DSCAM: variants seen among roughly 807,000 people sequenced by gnomAD.
The protein encoded by DSCAM is cell adhesion molecule DSCAM.
DSCAM carries 47 observed loss-of-function variants against 217.7 expected under a neutral mutation model. That is an observed-to-expected ratio of 0.22 (90% confidence interval 0.17 to 0.28). The LOEUF is 0.28. Among genes scored for constraint, DSCAM ranks in the 10% least tolerant of loss-of-function variants. DSCAM has a pLI of 1.00. For missense variants in DSCAM, 2,080 were observed against 2,618.3 expected, an observed-to-expected ratio of 0.79 and a Z score of 4.49; for synonymous variants, 1,056 against 1,015.3, an observed-to-expected ratio of 1.04 and a Z score of -0.76.
intron 27 of DSCAM, among the ~76,000 whole-genome samples, chr21:40,063,760 C>G (rs906896892): frequency 2.0e-5 from 3 of 152,208 alleles, no homozygotes; most frequent in African/African-American, 7.2e-5. Context: ...ATTTCCATCT[C>G]ATGCCTTTGG....
chr21:40,484,083 G>A (rs927667596), intron 3 of DSCAM, among the ~76,000 whole-genome samples: 1 of 152,190 alleles, frequency 6.6e-6, no homozygotes, highest in Non-Finnish European at 1.5e-5. Flanking sequence ...TTGCTTTCGA[G>A]AATGTCTCAA....
chr21:40,760,736 C>A (rs1399136855), intron 1 of DSCAM, among the ~76,000 whole-genome samples: 1 of 152,198 alleles, frequency 6.6e-6, no homozygotes, highest in East Asian at 1.9e-4. Context: ...TGCTGTTTTT[C>A]TGGGAAGTTA....
intron 8 of DSCAM, among the ~76,000 whole-genome samples, chr21:40,316,719 T>C (rs1012510107): frequency 6.6e-6 from 1 of 152,190 alleles, no homozygotes; most frequent in African/African-American, 2.4e-5. Flanking sequence ...GGCTTGTGTA[T>C]TTCACTCTAC....
At chr21:40,734,822 T>A (rs927455443) in intron 1 of DSCAM, among the ~76,000 whole-genome samples, 10 of 152,242 alleles carry the variant, frequency 6.6e-5, no homozygotes, top group African/African-American at 2.4e-4. Flanking sequence ...GTTTAATACG[T>A]GCAGTCTCTA....
intron 3 of DSCAM, among the ~76,000 whole-genome samples, chr21:40,653,416 C>T (rs1305213002): frequency 1.3e-5 from 2 of 152,132 alleles, no homozygotes; most frequent in Admixed American, 6.5e-5. Flanking sequence ...TTCAGGGTGT[C>T]TCACAAGGCC....
At chr21:40,494,207 C>T (rs1601688713) in intron 3 of DSCAM, among the ~76,000 whole-genome samples, 1 of 152,068 alleles carries the variant, frequency 6.6e-6, no homozygotes, top group Non-Finnish European at 1.5e-5. Flanking sequence ...TTTACAATTA[C>T]CTTGAATGTA....
At chr21:40,344,516 G>GT (rs1169757932) in intron 6 of DSCAM, among the ~76,000 whole-genome samples, 3 of 152,084 alleles carry the variant, frequency 2.0e-5, no homozygotes, top group Non-Finnish European at 2.9e-5. Context: ...TTGTTGTTGG[G>GT]TTTTTTGCTA....
chr21:40,065,381 CA>C (rs2089192397), intron 27 of DSCAM, among the ~76,000 whole-genome samples: 1 of 151,916 alleles, frequency 6.6e-6, no homozygotes, highest in South Asian at 2.1e-4. Context: ...AAGAAGATGG[CA>C]AAATCTCATC....
At chr21:40,535,877 G>A (rs1459648322) in intron 3 of DSCAM, among the ~76,000 whole-genome samples, 1 of 152,120 alleles carries the variant, frequency 6.6e-6, no homozygotes, top group Non-Finnish European at 1.5e-5. Flanking sequence ...GCAGGACTTT[G>A]TCTCCTTGCA....
At chr21:40,406,191 A>G (rs1162927310) in intron 3 of DSCAM, among the ~76,000 whole-genome samples, 1 of 152,202 alleles carries the variant, frequency 6.6e-6, no homozygotes, top group Non-Finnish European at 1.5e-5. Context: ...ACCCCTATGA[A>G]CTGTTGGTGG....
At chr21:40,803,156 T>A (rs139085545) in intron 1 of DSCAM, among the ~76,000 whole-genome samples, 1 of 152,294 alleles carries the variant, frequency 6.6e-6, no homozygotes, top group African/African-American at 2.4e-5. Context: ...TTTCCTCAAG[T>A]CTCCAATAAG....
chr21:40,698,414 T>C (rs775728729), intron 2 of DSCAM, among the ~76,000 whole-genome samples: 5 of 152,096 alleles, frequency 3.3e-5, no homozygotes, highest in Non-Finnish European at 5.9e-5. Context: ...GTTATAACTT[T>C]AAAAGGGGGA....
At chr21:40,505,398 G>T (rs771350828) in intron 3 of DSCAM, among the ~76,000 whole-genome samples, 1 of 152,022 alleles carries the variant, frequency 6.6e-6, no homozygotes, top group African/African-American at 2.4e-5. Context: ...TTTGCTGTTT[G>T]ATAAGAATAG....
intron 1 of DSCAM, among the ~76,000 whole-genome samples, chr21:40,834,633 G>A (rs1401385189): frequency 6.6e-6 from 1 of 151,798 alleles, no homozygotes; most frequent in Non-Finnish European, 1.5e-5. Context: ...CTTTGAATAG[G>A]GACACTCACA....
intron 3 of DSCAM, among the ~76,000 whole-genome samples, chr21:40,387,540 A>G (rs1304876477): frequency 1.3e-5 from 2 of 152,174 alleles, no homozygotes; most frequent in African/African-American, 4.8e-5. Context: ...CTTCGCTTCT[A>G]AGGACATCTG....
intron 4 of DSCAM, among the ~76,000 whole-genome samples, chr21:40,363,455 G>C (rs1460870684): frequency 2.0e-5 from 3 of 151,882 alleles, no homozygotes; most frequent in Non-Finnish European, 4.4e-5. Flanking sequence ...GTTTCATCAT[G>C]TTAGCCAGGC....
At chr21:40,279,584 A>G (rs2073732776) in intron 10 of DSCAM, among the ~76,000 whole-genome samples, 1 of 152,240 alleles carries the variant, frequency 6.6e-6, no homozygotes, top group Non-Finnish European at 1.5e-5. Context: ...TCAAGGATCT[A>G]GAACTAGAAA....
chr21:40,760,997 T>C (rs2091327743), intron 1 of DSCAM, among the ~76,000 whole-genome samples: 1 of 152,234 alleles, frequency 6.6e-6, no homozygotes, highest in Non-Finnish European at 1.5e-5. Context: ...AACTTGGAGT[T>C]TGGCTCTTTG....
In DSCAM at chr21:40,708,444, C is replaced by A. The variant is rs376530922; in HGVS notation, c.361+10G>T. On this transcript the variant is annotated intron_variant, in intron 2 of 32. Transcript: ENST00000400454. Reference sequence around the variant, plus strand: ...GGCACAGAAAAAACAAAGCCCAGAGCTGTACTCACCAGCCTTGATGTGGAC... The same window carrying A: ...GGCACAGAAAAAACAAAGCCCAGAGATGTACTCACCAGCCTTGATGTGGAC... 2.7e-6 allele frequency: 4 copies of A among 1,482,984 alleles called. No individual in the cohort carries two copies. The highest frequency in any genetic ancestry group is 2.7e-6 in the Non-Finnish European group (3 of 1,114,734). 91.9% of individuals were successfully genotyped at this position (1,482,984 alleles called of 1,614,324 possible). A position where few individuals can be genotyped will look rare whatever the true frequency, so the allele number is the denominator to read the frequency against.
Sources: gnomAD v4.1 joint callset for allele counts (sites outside exome capture counted in the v4.1 genomes callset) on GRCh38, gnomAD v4.1.1 for gene constraint, MANE v1.5 for transcripts, NCBI Gene and HGNC (gene_info 2026-07-23, HGNC 2026-07-21) for gene names.